CYB5R2: variants seen among roughly 807,000 people sequenced by gnomAD.
CYB5R2 encodes NADH-cytochrome b5 reductase 2.
A neutral mutation model predicts 29.8 loss-of-function variants in CYB5R2; 35 were observed. That is an observed-to-expected ratio of 1.17 (90% CI 0.90 to 1.56). The LOEUF (loss-of-function observed/expected upper bound fraction) is 1.56, where lower values mean the gene tolerates loss of function less well. Ranked by LOEUF, CYB5R2 falls within the 40% of genes most tolerant of loss-of-function variation. CYB5R2 has a pLI of 0.00. For missense variants in CYB5R2, 419 were observed against 346.7 expected, an observed-to-expected ratio of 1.21 and a Z score of -1.66; for synonymous variants, 169 against 130.6, an observed-to-expected ratio of 1.29 and a Z score of -2.01.
chr11:7,673,522 G>C, upstream of CYB5R2: 5 of 985,624 alleles, frequency 5.1e-6, no homozygotes, highest in Non-Finnish European at 6.0e-6. Context: ...ATCCGAGCCG[G>C]CCCGCCCCAC....
chr11:7,668,039 C>CTAAG (rs971476069), intron 6 of CYB5R2, among the ~76,000 whole-genome samples: 14 of 152,248 alleles, frequency 9.2e-5, no homozygotes, highest in Non-Finnish European at 1.5e-4. Flanking sequence ...AAAGAACACT[C>CTAAG]TAAGTTCTTC....
At position 7,667,823 on chromosome 11, in the gene CYB5R2, A is replaced by C; in HGVS notation, c.473-10T>G. ...AACATGGGTGTGATGCCTGGAACAC[A>C]GTGAGCGAGCAGCCAGCTTTCTCCC... On this transcript the variant is annotated splice_polypyrimidine_tract_variant and intron_variant, in intron 6 of 8. Transcript: ENST00000299498. 3.1e-6 allele frequency: 5 copies of C among 1,612,912 alleles called. No homozygotes were observed. The highest frequency in any genetic ancestry group is 4.2e-6 in the Non-Finnish European group (5 of 1,178,860).
chr11:7,665,930 G>C (rs772338002), intron 8 of CYB5R2: 2 of 1,535,796 alleles, frequency 1.3e-6, no homozygotes, highest in East Asian at 2.4e-5. Flanking sequence ...GCCCTCTGCC[G>C]ACCAGGGACC....
chr11:7,666,484 T>C lies in CYB5R2; in HGVS notation c.625A>G (p.Asn209Asp), dbSNP rs12801394. Residue 209 changes from asparagine (N) to aspartate (D), a missense_variant, in exon 8 of 9, where the codon AAC (asparagine) becomes GAC (aspartate). Transcript: ENST00000299498. The stretch of plus-strand genomic sequence containing the variant: ...GGCCTGTCCAGGGTGTACCACAGGT[T>C]GAACTGGTCTGGGTGAGTCCTGGCA... ...EIARTHPDQF[N>D]LWYTLDRPPI... The C allele has an allele frequency of 0.78, 1,252,554 of 1,611,588 alleles. 487,743 individuals carry two copies. The highest frequency in any genetic ancestry group is 0.85 in the African/African-American group (63,759 of 74,932).
intron 8 of CYB5R2, 155 bp from the exon 9 acceptor site, chr11:7,665,701 A>G: frequency 5.2e-6 from 6 of 1,148,500 alleles, no homozygotes; most frequent in Non-Finnish European, 7.2e-6. Context: ...AAAAAGCCTC[A>G]GAACTAGTAA....
intron 4 of CYB5R2, 102 bp from the exon 5 acceptor site, chr11:7,669,436 G>A: frequency 7.0e-7 from 1 of 1,424,586 alleles, no homozygotes; most frequent in Non-Finnish European, 9.6e-7. Flanking sequence ...CAGAGAAAGT[G>A]TTCTCCTCTC....
Position 7,669,231 on chromosome 11 carries a change from C to T in CYB5R2, c.362G>A (p.Arg121Lys), listed in dbSNP as rs2136122384. 6.2e-7 allele frequency: 1 copy of T among 1,614,168 alleles called. No individual in the cohort carries two copies. Among genetic ancestry groups the T allele is most frequent in the Non-Finnish European group, 8.5e-7 (1 of 1,180,020 alleles). Residue 121 changes from arginine to lysine, a missense_variant, in exon 5 of 9, where the codon AGG (arginine) becomes AAG (lysine). Arg to Lys is a conservative substitution (Grantham distance 26). Transcript: ENST00000299498. ...TGGCCCATGGTAAAACAAGCGTCCC[C>T]TTGGCCCTCGAAAAAAGATGGTCTC... ...IGETIFFRGP[R>K]GRLFYHGPGN...
chr11:7,671,178 C>G (rs1259011829), intron 3 of CYB5R2: 1 of 152,408 alleles, frequency 6.6e-6, no homozygotes, highest in African/African-American at 2.4e-5. Context: ...AAGTGAGACA[C>G]CTAGCTTCCT....
chr11:7,669,981 G>T (rs546340511), intron 3 of CYB5R2: 1 of 468,014 alleles, frequency 2.1e-6, no homozygotes, highest in African/African-American at 2.0e-5. Flanking sequence ...TAAAATGGGG[G>T]TGATATGTCT....
chr11:7,665,755 G>A, intron 8 of CYB5R2: 1 of 1,365,768 alleles, frequency 7.3e-7, no homozygotes, highest in Non-Finnish European at 9.9e-7. Context: ...GCTCACTGCA[G>A]GGACCCTGAA....
intron 5 of CYB5R2, 139 bp from the exon 6 acceptor site, chr11:7,668,700 G>T (rs1396790348): frequency 9.4e-6 from 7 of 748,592 alleles, no homozygotes; most frequent in Non-Finnish European, 1.7e-5. Context: ...GGAGAAGCAG[G>T]CCAGGGCAGT....
chr11:7,665,676 AC>A (rs1345244350), intron 8 of CYB5R2, 130 bp from the exon 9 acceptor site: 1 of 1,179,194 alleles, frequency 8.5e-7, no homozygotes, highest in African/African-American at 1.6e-5. Flanking sequence ...AGAAGTCTGT[AC>A]TACTGCTCCC....
chr11:7,668,857 G>A (rs1172404332), intron 5 of CYB5R2: 3 of 577,248 alleles, frequency 5.2e-6, no homozygotes, highest in Non-Finnish European at 9.3e-6. Flanking sequence ...CACTCACGGA[G>A]GTGAACCAGT....
In CYB5R2 at chr11:7,672,452, T is replaced by C; in HGVS notation, c.150A>G (p.Val50=). 6.2e-7 allele frequency: 1 copy of C among 1,614,036 alleles called. No individual in the cohort carries two copies. Among genetic ancestry groups the C allele is most frequent in the Non-Finnish European group, 8.5e-7 (1 of 1,179,924 alleles). ...GGTGATGACCCAAGCCCGGCTCACC[T>C]ACAGGAAGCCCTAAGACATGGTCCG... The part of the protein sequence containing the change: ...PSPDHVLGLP[V]GNYVQLLAKI... Residue 50 remains valine, a splice_region_variant and synonymous_variant, in exon 3 of 9, where the codon GTA becomes GTG. Coordinates refer to ENST00000299498, the MANE Select transcript of CYB5R2 (RefSeq NM_016229.5).
At chr11:7,673,972 G>A (rs1855932147), upstream of CYB5R2, 1 of 1,103,560 alleles carries the variant, frequency 9.1e-7, no homozygotes, top group African/African-American at 1.7e-5. Flanking sequence ...CTCTGGGTCA[G>A]CCCTGCCCCC....
intron 1 of CYB5R2, 129 bp downstream of exon 1, chr11:7,673,290 G>T (rs141410996): frequency 0.031 from 25,527 of 822,756 alleles, 468 homozygotes; most frequent in Middle Eastern, 0.07. Flanking sequence ...CAGAACTAGG[G>T]TGCGTAGCTC....
Position 7,665,230 on chromosome 11 carries a change from C to T in CYB5R2, c.*144G>A, listed in dbSNP as rs892569341. ...CCCCTTGAGCCCTTTTTGTTAGGCC[C>T]ACACCCAAAAGAGGAGAACCAGTGT... On this transcript the variant is annotated 3_prime_UTR_variant, in exon 9 of 9. Transcript: ENST00000299498. The T allele has an allele frequency of 2.9e-6, 2 of 694,544 alleles. No individual in the cohort carries two copies. Among genetic ancestry groups the T allele is most frequent in the Non-Finnish European group, 4.5e-6 (2 of 441,322 alleles). 43.0% of individuals were successfully genotyped at this position (694,544 alleles called of 1,614,324 possible).
intron 7 of CYB5R2, 147 bp downstream of exon 7, chr11:7,667,581 T>C: frequency 1.4e-6 from 1 of 725,366 alleles, no homozygotes; most frequent in South Asian, 1.7e-5. Flanking sequence ...CTTCTCCAGC[T>C]GCCAGCAGCC....
intron 4 of CYB5R2, 114 bp from the exon 5 acceptor site, chr11:7,669,448 G>A (rs1370640484): frequency 1.7e-5 from 24 of 1,381,298 alleles, no homozygotes; most frequent in Non-Finnish European, 1.7e-5. Context: ...TCTCCTCTCT[G>A]AATTGTTGTA....
Sources: gnomAD v4.1 joint callset for allele counts (sites outside exome capture counted in the v4.1 genomes callset) on GRCh38, gnomAD v4.1.1 for gene constraint, MANE v1.5 for transcripts, NCBI Gene and HGNC (gene_info 2026-07-23, HGNC 2026-07-21) for gene names.